Variants in SCML2 observed in about 807,000 individuals in gnomAD.
SCML2 encodes the protein sex comb on midleg-like protein 2.
Under a neutral mutation model 48.4 loss-of-function variants are expected in SCML2, and 6 were observed. That is an observed-to-expected ratio of 0.12 (90% confidence interval 0.07 to 0.24). The LOEUF (loss-of-function observed/expected upper bound fraction) is 0.24. SCML2 is among the 10% of genes least tolerant of loss of function. SCML2 has a pLI of 1.00. For synonymous variants in SCML2, 181 were observed against 189.5 expected, an observed-to-expected ratio of 0.95 and a Z score of 0.37; for missense variants, 377 against 528.2, an observed-to-expected ratio of 0.71 and a Z score of 2.81.
intron 7 of SCML2, among the ~76,000 whole-genome samples, chrX:18,300,795 AAAAAAAAAG>A (rs1259565538): frequency 9.0e-6 from 1 of 110,518 alleles, no homozygotes; most frequent in Non-Finnish European, 1.9e-5. Flanking sequence ...CGTTTCAAAA[AAAAAAAAAG>A]AAAAAAAAAA....
chrX:18,255,356 ATTAAAATGT>A (rs1334882320), intron 11 of SCML2, among the ~76,000 whole-genome samples: 2 of 112,390 alleles, frequency 1.8e-5, no homozygotes, highest in African/African-American at 3.2e-5. Context: ...CAGGAACTGA[ATTAAAATGT>A]AGGCCGGTCA....
chrX:18,265,590 T>C lies in SCML2; in HGVS notation c.943A>G (p.Lys315Glu). 8.3e-7 allele frequency: 1 copy of C among 1,205,567 alleles called. No homozygotes were observed. The highest frequency in any genetic ancestry group is 1.1e-6 in the Non-Finnish European group (1 of 891,004). ...TPRKKGPNSG[K>E]KEKPLPVICS... ...TAGGAGGACATACAACTAACCTTTTTTCCTGAGTTTGGACCTTTTTTCCTT... is the reference window on the plus strand; with the variant it reads ...TAGGAGGACATACAACTAACCTTTTCTCCTGAGTTTGGACCTTTTTTCCTT... Residue 315 changes from lysine to glutamate, a missense_variant, in exon 8 of 15, where the codon AAA becomes GAA. By Grantham distance (56) the Lys-to-Glu change is moderately conservative. Around this residue, in one of 3 missense-constraint regions of SCML2, gnomAD observed 299 missense variants for 425.5 expected, o/e 0.70. Coordinates refer to ENST00000251900, the MANE Select transcript of SCML2 (RefSeq NM_006089.3).
rs567621504 is a variant in SCML2 at position 18,332,631 on chromosome X, G to C, written c.22+1419C>G. 5.2e-4 allele frequency among the ~76,000 whole-genome samples: 58 copies of C among 111,728 alleles called. No homozygotes were observed. In the Middle Eastern group the frequency reaches 0.023, roughly 45 times the overall value. ...TTTTACAACTACTAATAAATGAATG[G>C]ATCCAGGGAATAGCCATCCATGACT... is the stretch of plus-strand genomic sequence containing the variant. On this transcript the variant is annotated intron_variant, in intron 2 of 14. Transcript: ENST00000251900.
chrX:18,292,645 G>A, intron 7 of SCML2, among the ~76,000 whole-genome samples: 1 of 109,571 alleles, frequency 9.1e-6, no homozygotes, highest in South Asian at 3.9e-4. Context: ...TTAAAAAAAA[G>A]CCACAGATAA....
intron 12 of SCML2, among the ~76,000 whole-genome samples, chrX:18,247,052 G>A (rs770684416): frequency 9.0e-6 from 1 of 111,414 alleles, no homozygotes; most frequent in East Asian, 2.8e-4. Context: ...GGGTGCAGTG[G>A]TGCAATCTTG....
intron 5 of SCML2, among the ~76,000 whole-genome samples, chrX:18,321,076 T>C (rs747064744): frequency 2.8e-4 from 31 of 111,687 alleles, no homozygotes; most frequent in Non-Finnish European, 5.1e-4. Context: ...AATAAAATGA[T>C]AATGGTAGAA....
At chrX:18,285,040 CAA>C (rs542089776) in intron 7 of SCML2, among the ~76,000 whole-genome samples, 1 of 53,931 alleles carries the variant, frequency 1.9e-5, no homozygotes. Context: ...AACTCCGCCT[CAA>C]AAAAAAAAAA....
At position 18,343,946 on chromosome X, in the gene SCML2, A is replaced by G. The variant is rs1930115299; in HGVS notation, c.-24-9851T>C. Reference sequence around the variant, plus strand: ...TTTAAAAAAAAAAAAAAAAAAAGAAAGAAAGAAAAGAAAAGAAAAGAAAAA... The same window carrying G: ...TTTAAAAAAAAAAAAAAAAAAAGAAGGAAAGAAAAGAAAAGAAAAGAAAAA... On this transcript the variant is annotated intron_variant, in intron 1 of 14. Transcript: ENST00000251900. 1.9e-5 allele frequency among the ~76,000 whole-genome samples: 2 copies of G among 105,915 alleles called. 1 individual carries two copies. The highest frequency in any genetic ancestry group is 3.9e-5 in the Non-Finnish European group (2 of 51,732). 92.0% of individuals were successfully genotyped at this position (105,915 alleles called of 115,157 possible). A position where few individuals can be genotyped will look rare whatever the true frequency, so the allele number is the denominator to read the frequency against.
chrX:18,272,817 G>T (rs183194035), intron 7 of SCML2, among the ~76,000 whole-genome samples: 1 of 111,270 alleles, frequency 9.0e-6, no homozygotes, highest in East Asian at 2.9e-4. Flanking sequence ...AAGGAAAAAA[G>T]TTTCCTCCAA....
chrX:18,340,802 T>A (rs1325307485), intron 1 of SCML2, among the ~76,000 whole-genome samples: 1 of 96,498 alleles, frequency 1.0e-5, no homozygotes, highest in Non-Finnish European at 2.0e-5. Flanking sequence ...AGAGCAAGAC[T>A]CCGTCTCAAA....
intron 14 of SCML2, among the ~76,000 whole-genome samples, chrX:18,241,687 A>G: frequency 1.8e-5 from 2 of 112,250 alleles, no homozygotes; most frequent in Middle Eastern, 4.6e-3. Flanking sequence ...AAGATCAAAA[A>G]TTATGAATGG....
chrX:18,304,428 A>T (rs1602120632), intron 7 of SCML2, among the ~76,000 whole-genome samples: 1 of 111,950 alleles, frequency 8.9e-6, no homozygotes, highest in East Asian at 2.8e-4. Context: ...TACAACTAAT[A>T]AACATTACCA....
intron 4 of SCML2, 40 bp from the exon 5 acceptor site, chrX:18,324,133 A>G (rs376632388): frequency 1.5e-5 from 13 of 879,685 alleles, no homozygotes; most frequent in Non-Finnish European, 1.9e-5. Context: ...TGCATCAACT[A>G]TAAGAGAAGA....
At chrX:18,317,095 A>AT (rs1467742332) in intron 6 of SCML2, among the ~76,000 whole-genome samples, 1 of 111,136 alleles carries the variant, frequency 9.0e-6, no homozygotes, top group Non-Finnish European at 1.9e-5. Context: ...AATTTTTAAA[A>AT]TTTTTTTTCA....
chrX:18,247,597 A>G (rs1926495688), intron 12 of SCML2, among the ~76,000 whole-genome samples, 172 bp downstream of exon 12: 1 of 111,643 alleles, frequency 9.0e-6, no homozygotes, highest in African/African-American at 3.3e-5. Context: ...ACAGCCGTCC[A>G]CTTCTGAAGG....
At chrX:18,287,708 C>T (rs1928103822) in intron 7 of SCML2, among the ~76,000 whole-genome samples, 1 of 111,459 alleles carries the variant, frequency 9.0e-6, no homozygotes, top group Non-Finnish European at 1.9e-5. Context: ...GTTTCCCTAC[C>T]CTGTTATATA....
intron 7 of SCML2, among the ~76,000 whole-genome samples, chrX:18,280,859 G>C (rs1050583061): frequency 4.2e-4 from 47 of 111,605 alleles, no homozygotes; most frequent in African/African-American, 1.4e-3. Context: ...CATAAAACAA[G>C]TTCTTCCTGG....
At chrX:18,340,723 T>C (rs924281630) in intron 1 of SCML2, among the ~76,000 whole-genome samples, 1 of 107,995 alleles carries the variant, frequency 9.3e-6, no homozygotes, top group East Asian at 2.9e-4. Flanking sequence ...GGCAGGAGAA[T>C]TGCTTGAACC....
chrX:18,303,912 A>AT (rs1308590172), intron 7 of SCML2, among the ~76,000 whole-genome samples: 1 of 112,507 alleles, frequency 8.9e-6, no homozygotes, highest in Admixed American at 9.4e-5. Context: ...TTACCTAGAC[A>AT]TTATACTCCT....
Sources: gnomAD v4.1 joint callset for allele counts (sites outside exome capture counted in the v4.1 genomes callset) on GRCh38, gnomAD v4.1.1 for gene constraint, gnomAD v4.1.1 regional missense constraint, MANE v1.5 for transcripts, NCBI Gene and HGNC (gene_info 2026-07-23, HGNC 2026-07-21) for gene names.